Variants in COL4A6 observed in about 807,000 individuals in gnomAD.
COL4A6 encodes the protein collagen type IV alpha 6 chain, also known as collagen alpha-6(IV) chain.
COL4A6 carries 59 observed loss-of-function variants against 126.7 expected under a neutral mutation model. The observed-to-expected ratio is 0.47, with a 90% CI of 0.38 to 0.58. COL4A6 has a LOEUF of 0.58. COL4A6 is among the 20% of genes least tolerant of loss of function. The probability of loss-of-function intolerance (pLI) is 0.00; values close to 1 mark genes in which losing one functional copy is unlikely to be tolerated. For missense variants in COL4A6, 1,285 were observed against 1,337.3 expected, an observed-to-expected ratio of 0.96 and a Z score of 0.61; for synonymous variants, 547 against 496.6, an observed-to-expected ratio of 1.10 and a Z score of -1.35.
At position 108,179,450 on chromosome X, in the gene COL4A6, A is replaced by G; in HGVS notation, c.2132-12T>C. 1 of 1,175,268 alleles carries G rather than the reference A, an allele frequency of 8.5e-7. No homozygotes were observed. Among genetic ancestry groups the G allele is most frequent in the Non-Finnish European group, 1.1e-6 (1 of 870,013 alleles). On this transcript the variant is annotated splice_polypyrimidine_tract_variant and intron_variant, in intron 25 of 44. Transcript: ENST00000334504. Reference sequence around the variant, plus strand: ...AGGTCCAGGAAATCCTAAACGTAAAAAGGCGAACATAAAAGACCATGGCTG... The same window carrying G: ...AGGTCCAGGAAATCCTAAACGTAAAGAGGCGAACATAAAAGACCATGGCTG...
chrX:108,228,625 C>G (rs1319982200), intron 3 of COL4A6, among the ~76,000 whole-genome samples: 2 of 112,248 alleles, frequency 1.8e-5, no homozygotes, highest in Non-Finnish European at 3.8e-5. Flanking sequence ...GAAGGGGAAG[C>G]AAACATGTCC....
At chrX:108,388,380 C>G (rs1392109855) in intron 2 of COL4A6, among the ~76,000 whole-genome samples, 1 of 111,869 alleles carries the variant, frequency 8.9e-6, no homozygotes, top group Non-Finnish European at 1.9e-5. Context: ...TTAATTACTG[C>G]CTTAATTTCA....
intron 3 of COL4A6, among the ~76,000 whole-genome samples, chrX:108,278,922 C>T (rs2147793584): frequency 9.0e-6 from 1 of 111,313 alleles, no homozygotes; most frequent in African/African-American, 3.3e-5. Context: ...AAATAAAATC[C>T]TTTACAGACA....
At position 108,187,146 on chromosome X, in the gene COL4A6, T is replaced by C. The variant is rs762403539; in HGVS notation, c.1901A>G (p.Asp634Gly). The change falls in exon 23 of 45, where the codon GAT becomes GGT. Residue 634 changes from aspartate to glycine, a missense_variant. Asp to Gly is a moderately conservative substitution (Grantham distance 94). Coordinates refer to ENST00000334504, the MANE Select transcript of COL4A6 (RefSeq NM_033641.4). Reference sequence around the variant, plus strand: ...TCCCGGTAATCCATCCTTGCCTTTATCTCCAGGAAGCCCACGGGGTCCAGG... The same window carrying C: ...TCCCGGTAATCCATCCTTGCCTTTACCTCCAGGAAGCCCACGGGGTCCAGG... Reference protein sequence around the residue: ...GLPGPRGLPGDKGKDGLPGQQ... With the variant: ...GLPGPRGLPGGKGKDGLPGQQ... 12 of 1,191,256 alleles carry C rather than the reference T, an allele frequency of 1.0e-5. No individual in the cohort carries two copies. In the Admixed American group the frequency reaches 2.2e-4, roughly 22 times the overall value.
rs1048778473 is a variant in COL4A6, at chrX:108,165,002, C to T, written c.3845G>A (p.Gly1282Glu). The change falls in exon 39 of 45, where the codon GGG (glycine) becomes GAG (glutamate). Residue 1282 changes from glycine (G) to glutamate (E), a missense_variant. By Grantham distance (98) the Gly-to-Glu change is moderately conservative. Transcript: ENST00000334504. ...GGTGTCGCCTTGATTCGAGGATGGC[C>T]CAGGGGGACCTGGGGGTCCAGCGGG... ...PGPAGPPGPP[G>E]PSSNQGDTGD... The T allele has an allele frequency of 1.7e-6, 2 of 1,209,588 alleles. No homozygotes were observed. The highest frequency in any genetic ancestry group is 2.2e-5 in the Admixed American group (1 of 45,588).
At position 108,179,402 on chromosome X, in the gene COL4A6, C is replaced by G. The variant is rs772769800; in HGVS notation, c.2168G>C (p.Gly723Ala). The change falls in exon 26 of 45, where the codon GGG (glycine) becomes GCG (alanine). Residue 723 changes from glycine to alanine, a missense_variant. Coordinates refer to ENST00000334504, the MANE Select transcript of COL4A6 (RefSeq NM_033641.4). Reference sequence around the variant, plus strand: ...ATCTTTTCCAGGGAGCCCAGGAAACCCAGGCAAGCCCTTCTCCCCACGAGG... The same window carrying G: ...ATCTTTTCCAGGGAGCCCAGGAAACGCAGGCAAGCCCTTCTCCCCACGAGG... ...PGPRGEKGLPGFPGLPGKDGL... is the reference protein window; with the variant it reads ...PGPRGEKGLPAFPGLPGKDGL... 8 of 1,206,901 alleles carry G rather than the reference C, an allele frequency of 6.6e-6. No homozygotes were observed. In the African/African-American group the frequency reaches 1.4e-4, roughly 21 times the overall value.
chrX:108,340,875 A>G (rs1416703635), intron 2 of COL4A6, among the ~76,000 whole-genome samples: 2 of 108,832 alleles, frequency 1.8e-5, no homozygotes, highest in African/African-American at 6.7e-5. Flanking sequence ...GGTCAAATTT[A>G]TATATTTACA....
chrX:108,165,166 G>A, intron 38 of COL4A6, 128 bp from the exon 39 acceptor site: 1 of 836,544 alleles, frequency 1.2e-6, no homozygotes, highest in Non-Finnish European at 1.7e-6. Flanking sequence ...CCATCGGTGG[G>A]GTCCTAGTGC....
intron 2 of COL4A6, among the ~76,000 whole-genome samples, chrX:108,408,565 C>T (rs2041260478): frequency 8.9e-6 from 1 of 111,810 alleles, no homozygotes; most frequent in African/African-American, 3.3e-5. Flanking sequence ...GAATTATACA[C>T]CAACAAAAGA....
At chrX:108,356,386 G>C (rs6622316) in intron 2 of COL4A6, among the ~76,000 whole-genome samples, 22 of 110,934 alleles carry the variant, frequency 2.0e-4, no homozygotes, top group African/African-American at 6.9e-4. Context: ...CCATATGGGA[G>C]GGGAGGTGTT....
intron 3 of COL4A6, among the ~76,000 whole-genome samples, chrX:108,287,592 C>A (rs772816516): frequency 4.5e-5 from 5 of 111,598 alleles, no homozygotes; most frequent in Admixed American, 3.8e-4. Context: ...GTGGGGCAGG[C>A]ACTATTTACA....
At chrX:108,246,988 T>C (rs983517911) in intron 3 of COL4A6, among the ~76,000 whole-genome samples, 7 of 111,883 alleles carry the variant, frequency 6.3e-5, no homozygotes, top group African/African-American at 2.3e-4. Flanking sequence ...TTGGTGATAA[T>C]GATGATGACG....
chrX:108,410,077 G>A (rs2041296513), intron 2 of COL4A6, among the ~76,000 whole-genome samples: 1 of 111,746 alleles, frequency 8.9e-6, no homozygotes, highest in Admixed American at 9.5e-5. Flanking sequence ...AAAGTGATCA[G>A]TATGTTTCCT....
chrX:108,278,200 C>T (rs1252645826), intron 3 of COL4A6, among the ~76,000 whole-genome samples: 43 of 111,654 alleles, frequency 3.9e-4, no homozygotes, highest in Non-Finnish European at 7.9e-4. Flanking sequence ...CTCCGAGCTA[C>T]AGGAGGAAAT....
rs748434863 is a variant in COL4A6, at chrX:108,386,976, C to A, written c.63+50966G>T. Among the ~76,000 whole-genome samples the A allele has an allele frequency of 5.4e-5, 6 of 111,982 alleles. No individual in the cohort carries two copies. In the South Asian group the frequency reaches 2.2e-3, roughly 42 times the overall value. On this transcript the variant is annotated intron_variant, in intron 2 of 44. Coordinates refer to ENST00000334504, the MANE Select transcript of COL4A6 (RefSeq NM_033641.4). ...AACACCATTTATTAAATAAGGAATC[C>A]TTTCCCCATTGCTTGCTTTTGTCTG... is the stretch of plus-strand genomic sequence containing the variant.
intron 19 of COL4A6, among the ~76,000 whole-genome samples, chrX:108,190,697 C>T (rs779900761): frequency 4.5e-5 from 5 of 111,622 alleles, no homozygotes; most frequent in Non-Finnish European, 9.4e-5. Flanking sequence ...ATTCACTCTA[C>T]TAATATTTAC....
intron 2 of COL4A6, among the ~76,000 whole-genome samples, chrX:108,398,365 T>C (rs1043629390): frequency 6.4e-5 from 7 of 108,560 alleles, no homozygotes; most frequent in Non-Finnish European, 1.3e-4. Flanking sequence ...AAAATTTATG[T>C]GTGTCTGTGT....
chrX:108,391,906 C>T (rs1400624320), intron 2 of COL4A6, among the ~76,000 whole-genome samples: 1 of 112,330 alleles, frequency 8.9e-6, no homozygotes, highest in Non-Finnish European at 1.9e-5. Context: ...AATCACTCGC[C>T]TTCTGCATCA....
intron 7 of COL4A6, among the ~76,000 whole-genome samples, chrX:108,210,956 C>A: frequency 8.9e-6 from 1 of 111,776 alleles, no homozygotes; most frequent in Admixed American, 9.5e-5. Flanking sequence ...AAAGTGCCAT[C>A]AATTAGCTGA....
Sources: allele counts gnomAD v4.1 joint callset (sites outside exome capture counted in the v4.1 genomes callset), GRCh38; gene constraint gnomAD v4.1.1; transcripts MANE v1.5; gene names NCBI Gene and HGNC (gene_info 2026-07-23, HGNC 2026-07-21).